The following TRAPPC9 variants were observed in gnomAD, a reference collection of about 807,000 sequenced individuals.
The protein encoded by TRAPPC9 is IKK2 binding protein.
Under a neutral mutation model 124.0 loss-of-function variants are expected in TRAPPC9, and 83 were observed. That is an observed-to-expected ratio of 0.67 (90% CI 0.56 to 0.80). The LOEUF is 0.80. Ranked by LOEUF, TRAPPC9 falls within the 30% of genes least tolerant of loss-of-function variation. TRAPPC9 has a pLI of 0.00. For synonymous variants in TRAPPC9, 638 were observed against 617.5 expected, an observed-to-expected ratio of 1.03 and a Z score of -0.49; for missense variants, 1,302 against 1,508.3, an observed-to-expected ratio of 0.86 and a Z score of 2.27.
chr8:140,266,615 T>A (rs138138364), intron 15 of TRAPPC9, among the ~76,000 whole-genome samples: 76 of 151,960 alleles, frequency 5.0e-4, no homozygotes, highest in African/African-American at 1.7e-3. Flanking sequence ...TCCCAGCACT[T>A]TGGGAGGCCA....
intron 10 of TRAPPC9, among the ~76,000 whole-genome samples, chr8:140,308,737 C>T (rs771561676): frequency 2.6e-5 from 4 of 151,998 alleles, no homozygotes; most frequent in Non-Finnish European, 4.4e-5. Flanking sequence ...AAATATTAGC[C>T]GGTCGTGGTG....
At chr8:140,011,451 G>A (rs1267001121) in intron 18 of TRAPPC9, among the ~76,000 whole-genome samples, 2 of 150,472 alleles carry the variant, frequency 1.3e-5, no homozygotes, top group African/African-American at 2.4e-5. Flanking sequence ...TATGTGAGAT[G>A]ATATTGCAAC....
chr8:140,162,367 G>A lies in TRAPPC9; in HGVS notation c.2556+59092C>T, dbSNP rs888132361. Among the ~76,000 whole-genome samples, 10 of 152,226 alleles carry A rather than the reference G, an allele frequency of 6.6e-5. No homozygotes were observed. In the South Asian group the frequency reaches 1.2e-3, roughly 19 times the overall value. Reference sequence around the variant, plus strand: ...CCCTGCTTCTCCACATGCTGCTTGCGTGGAAGGCTTTTCTACGTACTCTAA... The same window carrying A: ...CCCTGCTTCTCCACATGCTGCTTGCATGGAAGGCTTTTCTACGTACTCTAA... On this transcript the variant is annotated intron_variant, in intron 17 of 22. Coordinates refer to ENST00000438773, the MANE Select transcript of TRAPPC9 (RefSeq NM_001160372.4).
intron 17 of TRAPPC9, among the ~76,000 whole-genome samples, chr8:140,090,193 A>C (rs1844471606): frequency 6.6e-6 from 1 of 152,196 alleles, no homozygotes; most frequent in Non-Finnish European, 1.5e-5. Flanking sequence ...ATGTAGGTTG[A>C]CCCGGTTTGA....
intron 21 of TRAPPC9, among the ~76,000 whole-genome samples, chr8:139,817,262 T>C (rs1824909630): frequency 6.6e-6 from 1 of 152,196 alleles, no homozygotes. Context: ...TGGCTGGGGA[T>C]AGCAGGTTCA....
intron 17 of TRAPPC9, among the ~76,000 whole-genome samples, chr8:140,195,212 A>T (rs1156314585): frequency 6.6e-6 from 1 of 151,206 alleles, no homozygotes; most frequent in Non-Finnish European, 1.5e-5. Flanking sequence ...ACTAAAACAC[A>T]CTCAATGATC....
intron 9 of TRAPPC9, among the ~76,000 whole-genome samples, chr8:140,325,188 G>A (rs1422401274): frequency 1.3e-5 from 2 of 152,328 alleles, no homozygotes; most frequent in Admixed American, 6.5e-5. Context: ...TTTGTGAGAT[G>A]TACCTGAAGC....
intron 21 of TRAPPC9, among the ~76,000 whole-genome samples, chr8:139,847,932 C>T (rs1437092653): frequency 2.6e-5 from 4 of 152,238 alleles, no homozygotes; most frequent in Non-Finnish European, 4.4e-5. Context: ...CGCTCCCTGC[C>T]GCCTCTGCCT....
chr8:139,754,502 G>T (rs1361108192), intron 21 of TRAPPC9, among the ~76,000 whole-genome samples: 1 of 152,204 alleles, frequency 6.6e-6, no homozygotes, highest in African/African-American at 2.4e-5. Context: ...CCGTGACCGA[G>T]ATCACAGACC....
chr8:140,028,559 A>G (rs746959654), intron 17 of TRAPPC9, among the ~76,000 whole-genome samples: 1 of 152,214 alleles, frequency 6.6e-6, no homozygotes, highest in Non-Finnish European at 1.5e-5. Flanking sequence ...GCAGAGCAAC[A>G]TGCCTGCACA....
chr8:140,209,561 C>G (rs996718537), intron 17 of TRAPPC9, among the ~76,000 whole-genome samples: 2 of 152,198 alleles, frequency 1.3e-5, no homozygotes, highest in African/African-American at 2.4e-5. Flanking sequence ...TCCTTTGAAG[C>G]TTTTATGCTT....
chr8:139,923,621 C>T (rs1023823648), intron 19 of TRAPPC9, among the ~76,000 whole-genome samples: 3 of 152,234 alleles, frequency 2.0e-5, no homozygotes, highest in African/African-American at 7.2e-5. Context: ...TGACGAAGCA[C>T]GTCTGAGGAG....
intron 19 of TRAPPC9, among the ~76,000 whole-genome samples, chr8:139,978,869 C>T (rs905900471): frequency 4.6e-5 from 7 of 151,534 alleles, no homozygotes; most frequent in South Asian, 2.1e-4. Flanking sequence ...GAGCTGGGAT[C>T]GCAACGCGTC....
At chr8:140,294,226 A>G (rs1257779314) in intron 11 of TRAPPC9, among the ~76,000 whole-genome samples, 1 of 151,910 alleles carries the variant, frequency 6.6e-6, no homozygotes, top group Non-Finnish European at 1.5e-5. Context: ...CCCACCTCCC[A>G]GGCCCACCAG....
chr8:140,070,098 C>T (rs772827769), intron 17 of TRAPPC9, among the ~76,000 whole-genome samples: 6 of 152,210 alleles, frequency 3.9e-5, no homozygotes, highest in African/African-American at 9.7e-5. Flanking sequence ...ACACACCCAG[C>T]GGCAACGCGT....
At chr8:139,992,432 T>C (rs1204244100) in intron 18 of TRAPPC9, among the ~76,000 whole-genome samples, 1 of 152,086 alleles carries the variant, frequency 6.6e-6, no homozygotes, top group East Asian at 1.9e-4. Context: ...ACATTTCCTT[T>C]GAGCATCACG....
intron 17 of TRAPPC9, among the ~76,000 whole-genome samples, chr8:140,123,338 T>C (rs1251613129): frequency 6.6e-6 from 1 of 152,180 alleles, no homozygotes; most frequent in Non-Finnish European, 1.5e-5. Context: ...TTAAGTGAAA[T>C]TGCACATTTC....
At chr8:140,270,477 G>A (rs533581637) in intron 15 of TRAPPC9, among the ~76,000 whole-genome samples, 1 of 152,300 alleles carries the variant, frequency 6.6e-6, no homozygotes, top group South Asian at 2.1e-4. Context: ...TATGTGCCAG[G>A]CCCTGGAAAT....
At position 139,788,034 on chromosome 8, in the gene TRAPPC9, G is replaced by A. The variant is rs1182527490; in HGVS notation, c.3056-55832C>T. Among the ~76,000 whole-genome samples, 1 of 152,166 alleles carries A rather than the reference G, an allele frequency of 6.6e-6. No individual in the cohort carries two copies. The stretch of plus-strand genomic sequence containing the variant: ...GCGTCCTCCACCACTGCCAACCATG[G>A]TACTACAAAGGGCATGGACTCAGAA... On this transcript the variant is annotated intron_variant, in intron 21 of 22. Transcript: ENST00000438773. The surrounding 1 kb of genome is among the most constrained non-coding windows in gnomAD (Gnocchi z 4.9).
Sources: gnomAD v4.1 joint callset for allele counts (sites outside exome capture counted in the v4.1 genomes callset) on GRCh38, gnomAD v4.1.1 for gene constraint, Gnocchi (gnomAD v3.1) non-coding constraint, MANE v1.5 for transcripts, NCBI Gene and HGNC (gene_info 2026-07-23, HGNC 2026-07-21) for gene names.